Variants in EHBP1 observed in about 807,000 individuals in gnomAD.
EHBP1 encodes the protein EH domain binding protein 1.
In EHBP1, 55 loss-of-function variants were observed where a neutral mutation model predicts 144.0. The ratio of observed to expected loss-of-function variants is 0.38; its 90% CI spans 0.31 to 0.48. The LOEUF (loss-of-function observed/expected upper bound fraction) is 0.48, where lower values mean the gene tolerates loss of function less well. EHBP1 is among the 20% of genes least tolerant of loss of function. The probability of loss-of-function intolerance (pLI) is 0.98; values close to 1 mark genes in which losing one functional copy is unlikely to be tolerated. For synonymous variants in EHBP1, 469 were observed against 472.7 expected, an observed-to-expected ratio of 0.99 and a Z score of 0.10; for missense variants, 1,200 against 1,364.2, an observed-to-expected ratio of 0.88 and a Z score of 1.90.
intron 5 of EHBP1, among the ~76,000 whole-genome samples, chr2:62,808,327 C>A (rs1282544751): frequency 7.4e-6 from 1 of 135,754 alleles, no homozygotes; most frequent in Non-Finnish European, 1.6e-5. Flanking sequence ...AGTCTTTTTT[C>A]TCTTTGCTTT....
At chr2:62,761,601 C>T (rs920998417) in intron 3 of EHBP1, among the ~76,000 whole-genome samples, 2 of 152,102 alleles carry the variant, frequency 1.3e-5, no homozygotes, top group Non-Finnish European at 2.9e-5. Flanking sequence ...CTCAGTTTTT[C>T]AATCTGTTAA....
intron 6 of EHBP1, chr2:62,826,495 T>C (rs968850863): frequency 2.7e-6 from 1 of 374,168 alleles, no homozygotes; most frequent in Non-Finnish European, 4.7e-6. Context: ...GTTTCAAAAT[T>C]TAAATTGTAT....
chr2:63,008,663 C>T (rs1396659405), intron 19 of EHBP1, among the ~76,000 whole-genome samples: 3 of 144,270 alleles, frequency 2.1e-5, no homozygotes, highest in South Asian at 2.2e-4. Context: ...TTTAGTTTTC[C>T]GTTTGCCTAA....
At chr2:63,007,417 C>T (rs528038939) in intron 19 of EHBP1, among the ~76,000 whole-genome samples, 4 of 151,628 alleles carry the variant, frequency 2.6e-5, no homozygotes, top group South Asian at 2.1e-4. Context: ...TTGTGGCATG[C>T]ATAGATAGAT....
At chr2:63,022,257 T>G (rs547810706) in intron 19 of EHBP1, among the ~76,000 whole-genome samples, 1 of 152,212 alleles carries the variant, frequency 6.6e-6, no homozygotes, top group South Asian at 2.1e-4. Flanking sequence ...GTGGAGACAT[T>G]GCCAGTTCCT....
chr2:62,687,337 T>C (rs1329489253), intron 1 of EHBP1, among the ~76,000 whole-genome samples: 1 of 152,252 alleles, frequency 6.6e-6, no homozygotes, highest in Non-Finnish European at 1.5e-5. Flanking sequence ...TTTTGAATAT[T>C]GGAAATAATA....
chr2:62,818,353 A>G (rs2045602087), intron 5 of EHBP1, among the ~76,000 whole-genome samples: 1 of 151,948 alleles, frequency 6.6e-6, no homozygotes, highest in Admixed American at 6.5e-5. Flanking sequence ...ACCTTTTCCA[A>G]GTTTACGTAT....
At position 62,993,572 on chromosome 2, in the gene EHBP1, A is replaced by G. The variant is rs766699190; in HGVS notation, c.2776A>G (p.Thr926Ala). 6.2e-7 allele frequency: 1 copy of G among 1,607,180 alleles called. No homozygotes were observed. The highest frequency in any genetic ancestry group is 8.5e-7 in the Non-Finnish European group (1 of 1,175,592). ...DLRTERLQKTTERFRNPVVFS... is the reference protein window; with the variant it reads ...DLRTERLQKTAERFRNPVVFS... ...CCGGACTGAACGATTACAAAAAACA[A>G]CAGAACGTTTTAGAAATCCTGTTGT... Residue 926 changes from threonine (T) to alanine (A), a missense_variant, in exon 17 of 23, where the codon ACA (threonine) becomes GCA (alanine). Physicochemically the swap from Thr to Ala is moderately conservative, Grantham distance 58 (BLOSUM62 0). This residue lies in a region of EHBP1 where 543 missense variants were observed against 513.1 expected (regional missense o/e 1.06). Transcript: ENST00000431489.
At chr2:62,828,514 TA>T (rs1252384061) in intron 6 of EHBP1, among the ~76,000 whole-genome samples, 1 of 152,210 alleles carries the variant, frequency 6.6e-6, no homozygotes, top group Non-Finnish European at 1.5e-5. Context: ...TTGTAGCTCT[TA>T]AAAAGGTTAG....
rs1445035888 is a variant in EHBP1 at position 62,900,682 on chromosome 2, G to GTATATATATATATATATATATA, written c.1185+26151_1185+26152insATATATATATATATATATATAT. Among the ~76,000 whole-genome samples the GTATATATATATATATATATATA allele has an allele frequency of 8.9e-4, 129 of 144,442 alleles. 2 individuals carry two copies. Among genetic ancestry groups the GTATATATATATATATATATATA allele is most frequent in the African/African-American group, 3.4e-3 (120 of 35,634 alleles). 94.8% of individuals were successfully genotyped at this position (144,442 alleles called of 152,430 possible). On this transcript the variant is annotated intron_variant, in intron 10 of 22. Coordinates refer to ENST00000431489, the MANE Select transcript of EHBP1 (RefSeq NM_001142616.3). Reference sequence around the variant, plus strand: ...TTGTTTTTTGTGGGTGTGTGTGTATGTGTATATATATATATATATATTTTC... The same window carrying GTATATATATATATATATATATA: ...TTGTTTTTTGTGGGTGTGTGTGTATGTATATATATATATATATATATATGTATATATATATATATATATTTTC...
chr2:63,018,951 T>C (rs1474625918), intron 19 of EHBP1, among the ~76,000 whole-genome samples: 5 of 152,220 alleles, frequency 3.3e-5, no homozygotes, highest in Non-Finnish European at 7.4e-5. Flanking sequence ...GGCAGCAACG[T>C]GTTTTTCTTC....
intron 7 of EHBP1, among the ~76,000 whole-genome samples, 192 bp from the exon 8 acceptor site, chr2:62,858,977 G>GTTTGT (rs1271412038): frequency 2.6e-5 from 4 of 152,046 alleles, no homozygotes; most frequent in African/African-American, 7.2e-5. Flanking sequence ...ATACTCAAAT[G>GTTTGT]TTTGTTTTGT....
At chr2:62,928,391 C>G (rs1427864093) in intron 10 of EHBP1, among the ~76,000 whole-genome samples, 1 of 152,096 alleles carries the variant, frequency 6.6e-6, no homozygotes, top group Non-Finnish European at 1.5e-5. Flanking sequence ...AGTACTCACC[C>G]TCCAAGTCCT....
intron 10 of EHBP1, among the ~76,000 whole-genome samples, chr2:62,925,832 A>C (rs985090187): frequency 6.6e-6 from 1 of 152,178 alleles, no homozygotes; most frequent in Non-Finnish European, 1.5e-5. Context: ...TGTAGCCCAA[A>C]GCGATCTACA....
chr2:62,928,686 C>T (rs564240724), intron 10 of EHBP1, among the ~76,000 whole-genome samples: 85 of 151,752 alleles, frequency 5.6e-4, no homozygotes, highest in African/African-American at 2.0e-3. Flanking sequence ...ACAAACTAAA[C>T]CCAAAGCTAG....
chr2:62,939,520 G>T (rs1033098005), intron 10 of EHBP1, among the ~76,000 whole-genome samples: 3 of 152,034 alleles, frequency 2.0e-5, no homozygotes, highest in African/African-American at 2.4e-5. Context: ...TGATCTGCCC[G>T]CCTCAGCCTC....
chr2:62,951,049 C>T (rs1014552908), intron 13 of EHBP1, among the ~76,000 whole-genome samples: 1 of 152,186 alleles, frequency 6.6e-6, no homozygotes, highest in Non-Finnish European at 1.5e-5. Flanking sequence ...AGTCAGTATA[C>T]TGATTGATAA....
intron 3 of EHBP1, 101 bp downstream of exon 3, chr2:62,747,553 GT>G (rs1185383705): frequency 2.6e-5 from 23 of 873,874 alleles, no homozygotes; most frequent in Non-Finnish European, 3.1e-5. Flanking sequence ...TTGATGTTTT[GT>G]TTTTTTTTCT....
chr2:62,756,296 A>G (rs1285611393), intron 3 of EHBP1, among the ~76,000 whole-genome samples: 1 of 152,196 alleles, frequency 6.6e-6, no homozygotes, highest in Admixed American at 6.5e-5. Flanking sequence ...GTTGATTTTC[A>G]TAGAATATAG....
Sources: allele counts gnomAD v4.1 joint callset (sites outside exome capture counted in the v4.1 genomes callset), GRCh38; gene constraint gnomAD v4.1.1; regional missense constraint gnomAD v4.1.1; transcripts MANE v1.5; gene names NCBI Gene and HGNC (gene_info 2026-07-23, HGNC 2026-07-21).